HAUS3: variants seen among roughly 807,000 people sequenced by gnomAD.
HAUS3 encodes the protein HAUS augmin-like complex subunit 3.
In HAUS3, 36 loss-of-function variants were observed where a neutral mutation model predicts 55.2. The ratio of observed to expected loss-of-function variants is 0.65; its 90% CI spans 0.50 to 0.86. The LOEUF is 0.86. HAUS3 is among the 40% of genes least tolerant of loss of function. The probability of loss-of-function intolerance (pLI) is 0.00; values close to 1 mark genes in which losing one functional copy is unlikely to be tolerated. For synonymous variants in HAUS3, 234 were observed against 238.6 expected (o/e 0.98, Z 0.18); for missense variants, 752 against 671.5 (o/e 1.12, Z -1.33).
In HAUS3 at chr4:2,240,888, T is replaced by C; in HGVS notation, c.59A>G (p.Asp20Gly). 2 of 1,608,492 alleles carry C rather than the reference T, an allele frequency of 1.2e-6. No individual in the cohort carries two copies. The highest frequency in any genetic ancestry group is 1.1e-5 in the South Asian group (1 of 90,474). ...TLKKIGYPKA[D>G]NLNGEDFDWL... is the part of the protein sequence containing the mutation. ...GTCAAAGTCTTCTCCATTAAGATTA[T>C]CAGCTTTGGGATAACCAATTTTTTT... is the stretch of plus-strand genomic sequence containing the variant. The change falls in exon 3 of 6, where the codon GAT becomes GGT. Residue 20 changes from aspartate to glycine, a missense_variant. Physicochemically the swap from Asp to Gly is moderately conservative, Grantham distance 94. Coordinates refer to ENST00000443786, the MANE Select transcript of HAUS3 (RefSeq NM_001303143.2).
intron 4 of HAUS3, 64 bp from the exon 5 acceptor site, chr4:2,236,520 A>T: frequency 8.6e-7 from 1 of 1,160,426 alleles, no homozygotes; most frequent in Non-Finnish European, 1.3e-6. Context: ...TCAAAATTAC[A>T]ATCCACTGTA....
chr4:2,235,077 G>C (rs1278363476), intron 5 of HAUS3, among the ~76,000 whole-genome samples: 2 of 152,114 alleles, frequency 1.3e-5, no homozygotes, highest in African/African-American at 4.8e-5. Flanking sequence ...GTAGAGATGG[G>C]GTTTCACCAC....
rs1734865708 is a variant in HAUS3 at position 2,238,899 on chromosome 4, C to T, written c.1054G>A (p.Val352Ile). ...ENAQLLNMPVVKGDFDLQIAK... is the reference protein window; with the variant it reads ...ENAQLLNMPVIKGDFDLQIAK... ...ATCTGCAGATCAAAATCTCCCTTTA[C>T]CACTGGCATATTCAATAACTGGGCA... Residue 352 changes from valine to isoleucine, a missense_variant, in exon 4 of 6, where the codon GTA (valine) becomes ATA (isoleucine). Coordinates refer to ENST00000443786, the MANE Select transcript of HAUS3 (RefSeq NM_001303143.2). 2 of 1,613,118 alleles carry T rather than the reference C, an allele frequency of 1.2e-6. No individual in the cohort carries two copies. The highest frequency in any genetic ancestry group is 8.5e-7 in the Non-Finnish European group (1 of 1,179,592).
chr4:2,228,939 G>C lies in HAUS3; in HGVS notation c.*2988C>G. 1.8e-6 allele frequency: 1 copy of C among 567,704 alleles called. No homozygotes were observed. The highest frequency in any genetic ancestry group is 3.4e-5 in the South Asian group (1 of 29,012). The allele number at this position is 567,704 out of a possible 1,614,324, so 35.2% of individuals were successfully genotyped here. A position where few individuals can be genotyped will look rare whatever the true frequency, so the allele number is the denominator to read the frequency against. On this transcript the variant is annotated 3_prime_UTR_variant, in exon 6 of 6. Transcript: ENST00000443786. ...AAAGCAATGAAGGTTAAGGGAACAC[G>C]AAAGTTAGCAAGCAGAAGCTCAGTC...
intron 1 of HAUS3, 27 bp from the exon 2 acceptor site, chr4:2,241,817 C>T: frequency 1.0e-6 from 1 of 985,452 alleles, no homozygotes; most frequent in Non-Finnish European, 1.2e-6. Flanking sequence ...ACAAGCCCAC[C>T]GAATCGCCGT....
Position 2,229,515 on chromosome 4 carries a change from T to C in HAUS3, c.*2412A>G, listed in dbSNP as rs987211211. 4.2e-6 allele frequency: 1 copy of C among 236,760 alleles called. No individual in the cohort carries two copies. Among genetic ancestry groups the C allele is most frequent in the Non-Finnish European group, 8.1e-6 (1 of 123,566 alleles). 14.7% of individuals were successfully genotyped at this position (236,760 alleles called of 1,614,324 possible). On this transcript the variant is annotated 3_prime_UTR_variant, in exon 6 of 6. Transcript: ENST00000443786. ...AATCTACTCAAATACATCCTGAGGTTTGAAAAATGTTATTAAATCTTCAAA... is the reference window on the plus strand; with the variant it reads ...AATCTACTCAAATACATCCTGAGGTCTGAAAAATGTTATTAAATCTTCAAA...
Position 2,238,595 on chromosome 4 carries a change from C to A in HAUS3, c.1349+9G>T. The A allele has an allele frequency of 6.6e-7, 1 of 1,507,540 alleles. No individual in the cohort carries two copies. The highest frequency in any genetic ancestry group is 1.3e-5 in the South Asian group (1 of 79,918). The allele number at this position is 1,507,540 out of a possible 1,614,324, so 93.4% of individuals were successfully genotyped here. A position where few individuals can be genotyped will look rare whatever the true frequency, so the allele number is the denominator to read the frequency against. On this transcript the variant is annotated intron_variant, in intron 4 of 5. Transcript: ENST00000443786. ...AATATTTACTAAAGAAACAATGAAG[C>A]ATACGTACCTATGAGTAGAATAATC... is the stretch of plus-strand genomic sequence containing the variant.
chr4:2,237,548 A>C (rs925721913), intron 4 of HAUS3, among the ~76,000 whole-genome samples: 7 of 152,094 alleles, frequency 4.6e-5, no homozygotes, highest in African/African-American at 1.7e-4. Context: ...AAAAACAAGC[A>C]AGCAAGCAAG....
At position 2,240,356 on chromosome 4, in the gene HAUS3, T is replaced by C. The variant is rs372049466; in HGVS notation, c.591A>G (p.Gln197=). 56 of 1,602,100 alleles carry C rather than the reference T, an allele frequency of 3.5e-5. 1 individual carries two copies. In the Admixed American group the frequency reaches 7.3e-4, roughly 21 times the overall value. The change falls in exon 3 of 6, where the codon CAA becomes CAG. Residue 197 remains glutamine (Q), a synonymous_variant. Coordinates refer to ENST00000443786, the MANE Select transcript of HAUS3 (RefSeq NM_001303143.2). The part of the protein sequence containing the change: ...QGTNPLVFLS[Q]FSLEKYLSQE... The stretch of plus-strand genomic sequence containing the variant: ...GACTTAGGTATTTTTCCAAGGAAAA[T>C]TGCGATAAAAATACCAGTGGATTTG...
At chr4:2,241,956 A>G in intron 1 of HAUS3, 95 bp downstream of exon 1, 1 of 985,506 alleles carries the variant, frequency 1.0e-6, no homozygotes, top group Non-Finnish European at 1.2e-6. Context: ...CCAGGAGCGC[A>G]GGAAAAAAAA....
In HAUS3 at chr4:2,232,077, C is replaced by T. The variant is rs1414386485; in HGVS notation, c.1662G>A (p.Lys554=). 1 of 1,601,620 alleles carries T rather than the reference C, an allele frequency of 6.2e-7. No homozygotes were observed. Among genetic ancestry groups the T allele is most frequent in the Admixed American group, 1.7e-5 (1 of 58,684 alleles). The change falls in exon 6 of 6, where the codon AAG becomes AAA. Residue 554 remains lysine, a synonymous_variant. Coordinates refer to ENST00000443786, the MANE Select transcript of HAUS3 (RefSeq NM_001303143.2). ...TATTTGCCAAAGTTTTTCTTTTTGT[C>T]TTCACATCAGCAAGAATATCAGTGA... ...HLLTDILADV[K]TKRKTLANNK...
At chr4:2,239,093 A>G (rs1734878013) in intron 3 of HAUS3, 50 bp from the exon 4 acceptor site, 1 of 994,438 alleles carries the variant, frequency 1.0e-6, no homozygotes, top group Non-Finnish European at 1.4e-6. Context: ...TAAATTTGAA[A>G]TCATCTTAAG....
Position 2,231,776 on chromosome 4 carries a change from T to G in HAUS3, c.*151A>C, listed in dbSNP as rs889122360. On this transcript the variant is annotated 3_prime_UTR_variant, in exon 6 of 6. Coordinates refer to ENST00000443786, the MANE Select transcript of HAUS3 (RefSeq NM_001303143.2). ...GCACTGGTATTCTGAATGTACTACA[T>G]GAGAAAAAAGACAAATTAATATAAT... 1 of 540,500 alleles carries G rather than the reference T, an allele frequency of 1.9e-6. No homozygotes were observed. The highest frequency in any genetic ancestry group is 3.3e-6 in the Non-Finnish European group (1 of 304,922). The allele number at this position is 540,500 out of a possible 1,614,324, so 33.5% of individuals were successfully genotyped here. A position where few individuals can be genotyped will look rare whatever the true frequency, so the allele number is the denominator to read the frequency against.
chr4:2,238,302 C>T (rs1272607355), intron 4 of HAUS3, among the ~76,000 whole-genome samples: 2 of 152,176 alleles, frequency 1.3e-5, no homozygotes, highest in East Asian at 3.9e-4. Context: ...AAACTTCCTG[C>T]CCCAAATCTA....
Position 2,241,567 on chromosome 4 carries a change from G to T in HAUS3, c.-195C>A. The T allele has an allele frequency of 2.0e-6, 2 of 985,768 alleles. No homozygotes were observed. The highest frequency in any genetic ancestry group is 2.4e-6 in the Non-Finnish European group (2 of 830,204). The allele number at this position is 985,768 out of a possible 1,614,324, so 61.1% of individuals were successfully genotyped here. A position where few individuals can be genotyped will look rare whatever the true frequency, so the allele number is the denominator to read the frequency against. On this transcript the variant is annotated 5_prime_UTR_variant, in exon 2 of 6. Transcript: ENST00000443786. ...CTCCACCTCCAGAGTCCACCACCGC[G>T]ACGCGGAGAACAGCAGGAGCAGCAG...
chr4:2,240,745 C>T lies in HAUS3; in HGVS notation c.202G>A (p.Gly68Ser), dbSNP rs747113129. 6.2e-6 allele frequency: 10 copies of T among 1,613,944 alleles called. No homozygotes were observed. The Admixed American group carries it at 1.0e-4, about 16-fold the overall frequency. ...LEAFSILQKS[G>S]KPILEGAALD... is the part of the protein sequence containing the mutation. ...GCCGCCCCTTCTAGAATAGGCTTGCCTGATTTCTGAAGAATGCTAAAAGCT... is the reference window on the plus strand; with the variant it reads ...GCCGCCCCTTCTAGAATAGGCTTGCTTGATTTCTGAAGAATGCTAAAAGCT... Residue 68 changes from glycine (G) to serine (S), a missense_variant, in exon 3 of 6, where the codon GGC (glycine) becomes AGC (serine). Gly to Ser is a moderately conservative substitution (Grantham distance 56). Transcript: ENST00000443786.
At position 2,236,340 on chromosome 4, in the gene HAUS3, A is replaced by T. The variant is rs1468863880; in HGVS notation, c.1466T>A (p.Leu489Ter). 1 of 1,613,258 alleles carries T rather than the reference A, an allele frequency of 6.2e-7. No homozygotes were observed. The highest frequency in any genetic ancestry group is 1.1e-5 in the South Asian group (1 of 91,076). Reference protein sequence around the residue: ...KQNISLVQDQLAVSAQEHSFF... With the variant: ...KQNISLVQDQ ...AGAATGTTCTTGAGCAGATACTGCC[A>T]ACTGATCTTGTACTAAAGAAATATT... The change falls in exon 5 of 6, where the codon TTG becomes TAG. Residue 489 changes from leucine to a stop codon, truncating the protein, a stop_gained. Coordinates refer to ENST00000443786, the MANE Select transcript of HAUS3 (RefSeq NM_001303143.2). LOFTEE classifies it high-confidence loss of function.
Position 2,229,294 on chromosome 4 carries a change from A to G in HAUS3, c.*2633T>C. On this transcript the variant is annotated 3_prime_UTR_variant, in exon 6 of 6. Transcript: ENST00000443786. The stretch of plus-strand genomic sequence containing the variant: ...AATCCCATATATTAATCCTAAGACT[A>G]TAAAACAGGAAATACAATTATTTTC... 7.3e-7 allele frequency: 1 copy of G among 1,374,000 alleles called. No homozygotes were observed. The highest frequency in any genetic ancestry group is 9.8e-7 in the Non-Finnish European group (1 of 1,017,650). The allele number at this position is 1,374,000 out of a possible 1,614,324, so 85.1% of individuals were successfully genotyped here.
chr4:2,238,548 G>GT, intron 4 of HAUS3, 56 bp downstream of exon 4: 1 of 1,203,698 alleles, frequency 8.3e-7, no homozygotes, highest in South Asian at 1.9e-5. Context: ...ACTCTCTCTA[G>GT]TATTTCGCAA....
Sources: allele counts gnomAD v4.1 joint callset (sites outside exome capture counted in the v4.1 genomes callset), GRCh38; gene constraint gnomAD v4.1.1; transcripts MANE v1.5; gene names NCBI Gene and HGNC (gene_info 2026-07-23, HGNC 2026-07-21).